The following ARNT2 variants were observed in gnomAD, a reference collection of about 807,000 sequenced individuals.
The protein encoded by ARNT2 is ARNT protein 2.
In ARNT2, 36 loss-of-function variants were observed where a neutral mutation model predicts 91.7. That is an observed-to-expected ratio of 0.39 (90% CI 0.30 to 0.52). ARNT2 has a LOEUF of 0.52. ARNT2 is among the 20% of genes least tolerant of loss of function. ARNT2 has a pLI of 0.72. For missense variants in ARNT2, 775 were observed against 939.3 expected (o/e 0.83, Z 2.29); for synonymous variants, 365 against 347.1 (o/e 1.05, Z -0.57).
At chr15:80,490,883 A>G (rs191230103) in intron 5 of ARNT2, among the ~76,000 whole-genome samples, 6 of 152,360 alleles carry the variant, frequency 3.9e-5, no homozygotes, top group Admixed American at 2.0e-4. Context: ...TATAATGAAT[A>G]TAGAGTCAAA....
intron 5 of ARNT2, among the ~76,000 whole-genome samples, chr15:80,507,045 A>G (rs889480064): frequency 6.6e-6 from 1 of 152,234 alleles, no homozygotes; most frequent in African/African-American, 2.4e-5. Flanking sequence ...GGACACCAAA[A>G]GGGGGCAGTG....
rs533875331 is a variant in ARNT2 at position 80,454,122 on chromosome 15, G to C, written c.146+3128G>C. 3.9e-5 allele frequency among the ~76,000 whole-genome samples: 6 copies of C among 152,222 alleles called. No homozygotes were observed. The East Asian group carries it at 1.2e-3, about 29-fold the overall frequency. ...GCTCTCCCAGCATTTGGGACTCAAGGTGGAGGTTCCAAAGTCCCAGATTCT... is the reference window on the plus strand; with the variant it reads ...GCTCTCCCAGCATTTGGGACTCAAGCTGGAGGTTCCAAAGTCCCAGATTCT... On this transcript the variant is annotated intron_variant, in intron 2 of 18. Transcript: ENST00000303329.
chr15:80,504,600 T>G (rs1897246167), intron 5 of ARNT2, among the ~76,000 whole-genome samples: 1 of 151,866 alleles, frequency 6.6e-6, no homozygotes, highest in African/African-American at 2.4e-5. Context: ...AGTCCTTGTC[T>G]CTACAAAAAA....
intron 3 of ARNT2, among the ~76,000 whole-genome samples, chr15:80,467,864 G>A (rs969042487): frequency 5.9e-5 from 9 of 152,204 alleles, no homozygotes; most frequent in African/African-American, 2.2e-4. Context: ...CCAGTTCAGG[G>A]TGGGCTGCCA....
chr15:80,448,513 C>T (rs1236158612), intron 1 of ARNT2, among the ~76,000 whole-genome samples: 4 of 152,184 alleles, frequency 2.6e-5, no homozygotes, highest in Non-Finnish European at 4.4e-5. Flanking sequence ...GGGAGCTTTA[C>T]TTTTTTCAAC....
At chr15:80,405,071 AACCCTCCGG>A (rs1216617641) in intron 1 of ARNT2, among the ~76,000 whole-genome samples, 4 of 152,020 alleles carry the variant, frequency 2.6e-5, no homozygotes, top group Non-Finnish European at 5.9e-5. Context: ...TGTGTGTCCT[AACCCTCCGG>A]GGGCACAAAA....
At chr15:80,455,866 T>G (rs1484193789) in intron 2 of ARNT2, among the ~76,000 whole-genome samples, 2 of 152,096 alleles carry the variant, frequency 1.3e-5, no homozygotes, top group Non-Finnish European at 2.9e-5. Context: ...CTTGCATGAG[T>G]TCTTTGGAAT....
intron 1 of ARNT2, among the ~76,000 whole-genome samples, chr15:80,421,416 G>T (rs1330409322): frequency 8.9e-6 from 1 of 112,090 alleles, no homozygotes; most frequent in African/African-American, 3.3e-5. Flanking sequence ...AGAAAGGAAG[G>T]AAAGGAGGGA....
chr15:80,544,988 C>T (rs1897968134), intron 8 of ARNT2, among the ~76,000 whole-genome samples: 1 of 152,096 alleles, frequency 6.6e-6, no homozygotes, highest in Non-Finnish European at 1.5e-5. Flanking sequence ...GTGACCACCC[C>T]ACCACTGGAG....
At chr15:80,441,386 T>C (rs1355710381) in intron 1 of ARNT2, 1 of 985,126 alleles carries the variant, frequency 1.0e-6, no homozygotes, top group Non-Finnish European at 1.2e-6. Context: ...AAGGTAGGGC[T>C]GTGATATTTG....
At chr15:80,425,866 A>G (rs1895925546) in intron 1 of ARNT2, among the ~76,000 whole-genome samples, 1 of 152,176 alleles carries the variant, frequency 6.6e-6, no homozygotes, top group Admixed American at 6.5e-5. Flanking sequence ...TGGGCAACAT[A>G]GTGAGACCTT....
rs1041076839 is a variant in ARNT2, at chr15:80,546,242, C to T, written c.878-4957C>T. Among the ~76,000 whole-genome samples, 3 of 152,200 alleles carry T rather than the reference C, an allele frequency of 2.0e-5. No homozygotes were observed. In the South Asian group the frequency reaches 6.2e-4, roughly 32 times the overall value. On this transcript the variant is annotated intron_variant, in intron 8 of 18. Coordinates refer to ENST00000303329, the MANE Select transcript of ARNT2 (RefSeq NM_014862.4). ...CTTCTCTCAGCTTTCACTCCACAAT[C>T]GTTATTGTGTGACCCTGGCTTTCCT...
At chr15:80,473,718 C>T (rs571347690) in intron 4 of ARNT2, among the ~76,000 whole-genome samples, 195 of 152,166 alleles carry the variant, frequency 1.3e-3, no homozygotes, top group Non-Finnish European at 2.4e-3. Context: ...TCCTCCCCAG[C>T]CAAGGGCTTA....
At chr15:80,525,132 C>T (rs933865340) in intron 8 of ARNT2, among the ~76,000 whole-genome samples, 1 of 151,948 alleles carries the variant, frequency 6.6e-6, no homozygotes, top group African/African-American at 2.4e-5. Flanking sequence ...GTCATTTTTG[C>T]GAAATCAATC....
At chr15:80,565,375 G>A (rs141918831) in intron 12 of ARNT2, among the ~76,000 whole-genome samples, 37 of 152,172 alleles carry the variant, frequency 2.4e-4, no homozygotes, top group African/African-American at 8.4e-4. Context: ...CAGTAATGCA[G>A]TAATGGGATT....
intron 8 of ARNT2, among the ~76,000 whole-genome samples, chr15:80,529,947 A>G (rs1278978323): frequency 6.6e-6 from 1 of 152,216 alleles, no homozygotes; most frequent in Non-Finnish European, 1.5e-5. Flanking sequence ...TTGCGCATAA[A>G]TATTATGTCC....
At chr15:80,424,102 A>C (rs1329563615) in intron 1 of ARNT2, among the ~76,000 whole-genome samples, 20 of 152,188 alleles carry the variant, frequency 1.3e-4, no homozygotes, top group Non-Finnish European at 2.9e-4. Context: ...ATAGCCCTGC[A>C]TGATATTCCT....
chr15:80,531,926 C>T (rs149816151), intron 8 of ARNT2, among the ~76,000 whole-genome samples: 41 of 152,252 alleles, frequency 2.7e-4, no homozygotes, highest in African/African-American at 8.9e-4. Flanking sequence ...GCCCACACCC[C>T]GCAAAGGACG....
chr15:80,593,231 G>A (rs1478788626), intron 18 of ARNT2, among the ~76,000 whole-genome samples: 4 of 152,150 alleles, frequency 2.6e-5, no homozygotes, highest in South Asian at 2.1e-4. Flanking sequence ...TCCACTCTGC[G>A]TTGCATTTCT....
Sources: gnomAD v4.1 joint callset for allele counts (sites outside exome capture counted in the v4.1 genomes callset) on GRCh38, gnomAD v4.1.1 for gene constraint, MANE v1.5 for transcripts, NCBI Gene and HGNC (gene_info 2026-07-23, HGNC 2026-07-21) for gene names.